Variants in ULK4 observed in about 807,000 individuals in gnomAD.
The protein encoded by ULK4 is inactive serine/threonine-protein kinase ULK4.
A neutral mutation model predicts 160.6 loss-of-function variants in ULK4; 133 were observed. The ratio of observed to expected loss-of-function variants is 0.83; its 90% CI spans 0.72 to 0.96. The LOEUF is 0.96. Ranked by LOEUF, ULK4 falls within the 40% of genes least tolerant of loss-of-function variation. ULK4 has a pLI of 0.00. For synonymous variants in ULK4, 534 were observed against 539.8 expected (o/e 0.99, Z 0.15); for missense variants, 1,580 against 1,499.5 (o/e 1.05, Z -0.89).
chr3:41,891,676 G>C (rs1353866456), intron 16 of ULK4, among the ~76,000 whole-genome samples: 1 of 152,150 alleles, frequency 6.6e-6, no homozygotes, highest in Non-Finnish European at 1.5e-5. Context: ...GGAGGCCAGA[G>C]CAGGTGGATC....
At chr3:41,530,207 G>T (rs2086255084) in intron 32 of ULK4, among the ~76,000 whole-genome samples, 1 of 152,116 alleles carries the variant, frequency 6.6e-6, no homozygotes, top group Non-Finnish European at 1.5e-5. Context: ...ATTTTCTAAT[G>T]AAATATGTTT....
chr3:41,566,181 C>T, intron 31 of ULK4, 51 bp from the exon 32 acceptor site: 1 of 1,487,618 alleles, frequency 6.7e-7, no homozygotes, highest in Non-Finnish European at 9.3e-7. Flanking sequence ...ACAATTACAT[C>T]ATCGTAAAGA....
chr3:41,378,636 G>A (rs1240388577), intron 35 of ULK4, among the ~76,000 whole-genome samples: 2 of 150,814 alleles, frequency 1.3e-5, no homozygotes, highest in South Asian at 4.2e-4. Context: ...CTGTCATGGG[G>A]TAGGGGAGCG....
intron 30 of ULK4, among the ~76,000 whole-genome samples, chr3:41,621,346 GCTAT>G: frequency 6.6e-6 from 1 of 152,232 alleles, no homozygotes; most frequent in Non-Finnish European, 1.5e-5. Context: ...GAGGCATCAT[GCTAT>G]CTGACTTCAA....
chr3:41,555,220 A>G (rs569900360), intron 32 of ULK4, among the ~76,000 whole-genome samples: 293 of 152,280 alleles, frequency 1.9e-3, no homozygotes, highest in Non-Finnish European at 3.2e-3. Context: ...AACTATGATC[A>G]TAACTACTCA....
intron 30 of ULK4, among the ~76,000 whole-genome samples, chr3:41,636,553 AAAG>A (rs1486631934): frequency 6.6e-6 from 1 of 151,740 alleles, no homozygotes; most frequent in East Asian, 1.9e-4. Flanking sequence ...AAAAAAAAGA[AAAG>A]AAGAGAAGAG....
At chr3:41,700,677 T>C (rs2036643804) in intron 27 of ULK4, among the ~76,000 whole-genome samples, 1 of 152,120 alleles carries the variant, frequency 6.6e-6, no homozygotes, top group Non-Finnish European at 1.5e-5. Context: ...CCAGCAAGGA[T>C]AAACAATACT....
chr3:41,943,191 C>A (rs368653711), intron 2 of ULK4, among the ~76,000 whole-genome samples: 1 of 140,798 alleles, frequency 7.1e-6, no homozygotes, highest in African/African-American at 2.7e-5. Flanking sequence ...CCAGCCTGGG[C>A]GACAGAGCGA....
At chr3:41,625,427 A>G (rs368861391) in intron 30 of ULK4, among the ~76,000 whole-genome samples, 10 of 152,276 alleles carry the variant, frequency 6.6e-5, no homozygotes, top group South Asian at 2.1e-4. Context: ...CATAGGTCCA[A>G]TTGGTGGAGA....
chr3:41,528,770 T>C (rs2086202091), intron 32 of ULK4, among the ~76,000 whole-genome samples: 1 of 152,200 alleles, frequency 6.6e-6, no homozygotes, highest in East Asian at 1.9e-4. Context: ...AATAGAGGAT[T>C]TTCCAGTTAC....
Position 41,404,930 on chromosome 3 carries a change from C to A in ULK4, c.3493-6666G>T, listed in dbSNP as rs542908994. 2.0e-5 allele frequency among the ~76,000 whole-genome samples: 3 copies of A among 152,268 alleles called. No individual in the cohort carries two copies. In the East Asian group the frequency reaches 5.8e-4, roughly 29 times the overall value. ...AGCCTCTGGTATTATGTTATAGCAG[C>A]ACAAAATGGACTAAGAACTCTAATC... On this transcript the variant is annotated intron_variant, in intron 34 of 36. Transcript: ENST00000301831.
intron 5 of ULK4, among the ~76,000 whole-genome samples, chr3:41,923,337 A>T (rs1040043956): frequency 1.3e-5 from 2 of 151,978 alleles, no homozygotes; most frequent in African/African-American, 2.4e-5. Context: ...CATCTCTACT[A>T]AAAATACAAA....
At chr3:41,377,428 G>A (rs2081530084) in intron 35 of ULK4, among the ~76,000 whole-genome samples, 1 of 150,454 alleles carries the variant, frequency 6.6e-6, no homozygotes, top group South Asian at 2.1e-4. Context: ...CCATCAGAGT[G>A]AACAGGCAAC....
intron 32 of ULK4, among the ~76,000 whole-genome samples, chr3:41,557,255 C>T (rs920132680): frequency 5.3e-5 from 8 of 151,816 alleles, no homozygotes; most frequent in Non-Finnish European, 1.0e-4. Context: ...TCAGACAAAT[C>T]CAAGACATCT....
At chr3:41,257,520 C>A (rs1303644726) in intron 35 of ULK4, among the ~76,000 whole-genome samples, 1 of 151,698 alleles carries the variant, frequency 6.6e-6, no homozygotes, top group Non-Finnish European at 1.5e-5. Context: ...CTGGTCCCAG[C>A]TACTTGGGAG....
chr3:41,461,966 G>A (rs1056050669), intron 33 of ULK4, among the ~76,000 whole-genome samples: 27 of 152,154 alleles, frequency 1.8e-4, no homozygotes, highest in Admixed American at 1.3e-4. Flanking sequence ...ATTTAAGTAC[G>A]TAACAATTAT....
chr3:41,874,723 G>T (rs971458755), intron 17 of ULK4, among the ~76,000 whole-genome samples: 1 of 152,052 alleles, frequency 6.6e-6, no homozygotes, highest in Non-Finnish European at 1.5e-5. Flanking sequence ...GGAGGGGAGA[G>T]GGATTAAAAA....
chr3:41,490,303 T>A (rs932618253), intron 32 of ULK4, among the ~76,000 whole-genome samples: 4 of 152,158 alleles, frequency 2.6e-5, no homozygotes, highest in Non-Finnish European at 5.9e-5. Context: ...TGACCCAGTC[T>A]GAGTTCAGCC....
intron 22 of ULK4, among the ~76,000 whole-genome samples, chr3:41,744,020 G>T (rs1288693161): frequency 6.6e-6 from 1 of 151,798 alleles, no homozygotes; most frequent in Non-Finnish European, 1.5e-5. Flanking sequence ...TGACTAAGAG[G>T]CTATTATAAG....
Sources: gnomAD v4.1 joint callset for allele counts (sites outside exome capture counted in the v4.1 genomes callset) on GRCh38, gnomAD v4.1.1 for gene constraint, MANE v1.5 for transcripts, NCBI Gene and HGNC (gene_info 2026-07-23, HGNC 2026-07-21) for gene names.